MCM9: variants seen among roughly 807,000 people sequenced by gnomAD.
MCM9 encodes DNA helicase MCM9.
Under a neutral mutation model 72.8 loss-of-function variants are expected in MCM9, and 55 were observed. The observed-to-expected ratio is 0.76, with a 90% CI of 0.61 to 0.95. The LOEUF (loss-of-function observed/expected upper bound fraction) is 0.95. Ranked by LOEUF, MCM9 falls within the 40% of genes least tolerant of loss-of-function variation. The pLI is 0.00. For synonymous variants in MCM9, 480 were observed against 503.4 expected (o/e 0.95, Z 0.62); for missense variants, 1,279 against 1,377.0 (o/e 0.93, Z 1.13).
At chr6:118,826,343 G>T in intron 12 of MCM9, 51 bp from the exon 13 acceptor site, 1 of 1,525,926 alleles carries the variant, frequency 6.6e-7, no homozygotes, top group Non-Finnish European at 8.8e-7. Context: ...CCTGCATAGC[G>T]GTAAGTACAC....
At chr6:118,894,542 GC>G (rs1562426825) in intron 8 of MCM9, 1 of 1,526,504 alleles carries the variant, frequency 6.6e-7, no homozygotes, top group Admixed American at 2.0e-5. Context: ...GCGCCCGTGC[GC>G]CCGGGCTGTC....
At chr6:118,868,968 T>C (rs534464074) in intron 8 of MCM9, among the ~76,000 whole-genome samples, 51 of 152,362 alleles carry the variant, frequency 3.3e-4, no homozygotes, top group African/African-American at 1.2e-3. Context: ...CACACACGTA[T>C]GTTTATGGCA....
At chr6:118,888,376 A>T (rs1778732474) in intron 8 of MCM9, among the ~76,000 whole-genome samples, 1 of 152,028 alleles carries the variant, frequency 6.6e-6, no homozygotes, top group Non-Finnish European at 1.5e-5. Context: ...AGTCCCAGCT[A>T]CTCGGGAGGC....
At chr6:118,917,496 C>T (rs1781058392) in intron 6 of MCM9, 65 bp downstream of exon 6, 17 of 1,465,258 alleles carry the variant, frequency 1.2e-5, no homozygotes, top group Non-Finnish European at 1.6e-5. Context: ...AAATCACAGA[C>T]ATCATATTTA....
At chr6:118,862,416 T>C (rs933573263) in intron 8 of MCM9, among the ~76,000 whole-genome samples, 10 of 152,226 alleles carry the variant, frequency 6.6e-5, no homozygotes, top group Non-Finnish European at 1.3e-4. Flanking sequence ...TAACATATAA[T>C]GAAATAATTA....
intron 4 of MCM9, among the ~76,000 whole-genome samples, chr6:118,923,422 T>A (rs1003664594): frequency 6.6e-6 from 1 of 152,110 alleles, no homozygotes; most frequent in Non-Finnish European, 1.5e-5. Flanking sequence ...GTAGCTGCGA[T>A]TATAAGCACA....
At chr6:118,929,429 G>C (rs1399937296) in intron 3 of MCM9, among the ~76,000 whole-genome samples, 1 of 152,132 alleles carries the variant, frequency 6.6e-6, no homozygotes, top group East Asian at 1.9e-4. Flanking sequence ...GGTTTCCCAA[G>C]ATCCTAGCAA....
At chr6:118,894,952 C>A (rs892585366) in intron 8 of MCM9, among the ~76,000 whole-genome samples, 2 of 152,144 alleles carry the variant, frequency 1.3e-5, no homozygotes, top group African/African-American at 4.8e-5. Context: ...GGAGCGGAGC[C>A]ATCTTACCCC....
At position 118,875,911 on chromosome 6, in the gene MCM9, G is replaced by A. The variant is rs141599922; in HGVS notation, c.1151-19366C>T. Among the ~76,000 whole-genome samples, 583 of 152,262 alleles carry A rather than the reference G, an allele frequency of 3.8e-3. 6 individuals carry two copies. Among genetic ancestry groups the A allele is most frequent in the African/African-American group, 0.013 (556 of 41,534 alleles). On this transcript the variant is annotated intron_variant, in intron 8 of 13. Transcript: ENST00000619706. Reference sequence around the variant, plus strand: ...TACATAAGGCACTGGAAAGTTATATGCACATAAAAACCTGCTCACAGGTGT... The same window carrying A: ...TACATAAGGCACTGGAAAGTTATATACACATAAAAACCTGCTCACAGGTGT...
intron 8 of MCM9, among the ~76,000 whole-genome samples, chr6:118,872,302 G>A (rs1366261836): frequency 1.4e-5 from 2 of 145,534 alleles, no homozygotes; most frequent in African/African-American, 5.0e-5. Context: ...CTGGGCGATG[G>A]AGCAAGACTC....
At chr6:118,896,971 G>A (rs1472358295) in intron 8 of MCM9, among the ~76,000 whole-genome samples, 1 of 151,990 alleles carries the variant, frequency 6.6e-6, no homozygotes, top group Non-Finnish European at 1.5e-5. Context: ...CTGAATAGCT[G>A]GGACCATAGT....
At chr6:118,843,686 GTGTATA>G (rs1459200325) in intron 9 of MCM9, among the ~76,000 whole-genome samples, 2 of 31,216 alleles carry the variant, frequency 6.4e-5, no homozygotes, top group African/African-American at 2.9e-4. Flanking sequence ...ATATATATAT[GTGTATA>G]TATATATATA....
At chr6:118,853,211 T>A (rs1776337011) in intron 9 of MCM9, among the ~76,000 whole-genome samples, 2 of 152,238 alleles carry the variant, frequency 1.3e-5, no homozygotes, top group South Asian at 4.1e-4. Flanking sequence ...TTATTTGACA[T>A]CGTTCTTGAA....
At position 118,816,166 on chromosome 6, in the gene MCM9, T is replaced by C. The variant is rs193242732; in HGVS notation, c.2090A>G (p.Tyr697Cys). Reference protein sequence around the residue: ...FRTSSQQEINYSTHIFSPGGS... With the variant: ...FRTSSQQEINCSTHIFSPGGS... The stretch of plus-strand genomic sequence containing the variant: ...TCCAGGAGAGAAGATATGTGTGCTA[T>C]AGTTGATTTCCTGCTGTGATGAAGT... The change falls in exon 14 of 14, where the codon TAT (tyrosine) becomes TGT (cysteine). Residue 697 changes from tyrosine to cysteine, a missense_variant. Physicochemically the swap from Tyr to Cys is radical, Grantham distance 194. Transcript: ENST00000619706. 3 of 1,550,524 alleles carry C rather than the reference T, an allele frequency of 1.9e-6. No homozygotes were observed. Among genetic ancestry groups the C allele is most frequent in the African/African-American group, 2.7e-5 (2 of 73,170 alleles).
In MCM9 at chr6:118,884,708, G is replaced by A. The variant is rs571377765; in HGVS notation, c.1150+26942C>T. On this transcript the variant is annotated intron_variant, in intron 8 of 13. Transcript: ENST00000619706. ...TATTTTAGATTCAAAGAAAGAAATG[G>A]GTTGAAAGTAAAAGGATGGAAAAAC... Among the ~76,000 whole-genome samples the A allele has an allele frequency of 2.0e-5, 3 of 152,160 alleles. No homozygotes were observed. The South Asian group carries it at 6.2e-4, about 32-fold the overall frequency.
intron 8 of MCM9, among the ~76,000 whole-genome samples, chr6:118,857,626 CAAAAAAA>C (rs1203197065): frequency 0.26 from 18,850 of 71,542 alleles, 1,149 homozygotes; most frequent in Non-Finnish European, 0.31. Flanking sequence ...CCAGACTGAC[CAAAAAAA>C]AAAAAAAAAA....
intron 3 of MCM9, among the ~76,000 whole-genome samples, chr6:118,929,596 T>C (rs1239435938): frequency 6.6e-6 from 1 of 152,236 alleles, no homozygotes; most frequent in Non-Finnish European, 1.5e-5. Context: ...CTGAAAATAA[T>C]GGCAGCCTAA....
At chr6:118,887,497 T>C (rs532558700) in intron 8 of MCM9, among the ~76,000 whole-genome samples, 2 of 151,910 alleles carry the variant, frequency 1.3e-5, no homozygotes, top group African/African-American at 4.8e-5. Flanking sequence ...AAGACCCAAA[T>C]GTAAGGTGCT....
intron 8 of MCM9, among the ~76,000 whole-genome samples, chr6:118,873,331 A>C (rs1302224320): frequency 2.0e-5 from 3 of 152,178 alleles, no homozygotes; most frequent in Non-Finnish European, 2.9e-5. Flanking sequence ...AAGCAATGAC[A>C]ATCAACAAAA....
Sources: gnomAD v4.1 joint callset for allele counts (sites outside exome capture counted in the v4.1 genomes callset) on GRCh38, gnomAD v4.1.1 for gene constraint, MANE v1.5 for transcripts, NCBI Gene and HGNC (gene_info 2026-07-23, HGNC 2026-07-21) for gene names.